CALN1: variants seen among roughly 807,000 people sequenced by gnomAD.
The protein encoded by CALN1 is calneuron 1.
CALN1 carries 17 observed loss-of-function variants against 30.6 expected under a neutral mutation model. The observed-to-expected ratio is 0.56, with a 90% CI of 0.38 to 0.83. CALN1 has a LOEUF of 0.83. Ranked by LOEUF, CALN1 falls within the 40% of genes least tolerant of loss-of-function variation. The probability of loss-of-function intolerance (pLI) is 0.00; values close to 1 mark genes in which losing one functional copy is unlikely to be tolerated. For synonymous variants in CALN1, 156 were observed against 131.4 expected, an observed-to-expected ratio of 1.19 and a Z score of -1.28; for missense variants, 291 against 354.9, an observed-to-expected ratio of 0.82 and a Z score of 1.45.
At chr7:72,420,716 C>T (rs1235782721) in intron 1 of CALN1, among the ~76,000 whole-genome samples, 2 of 151,348 alleles carry the variant, frequency 1.3e-5, no homozygotes, top group East Asian at 1.9e-4. Context: ...CTCCGCCTCC[C>T]GGGTTCACGC....
At chr7:72,062,397 A>G (rs1409621515) in intron 4 of CALN1, among the ~76,000 whole-genome samples, 1 of 151,770 alleles carries the variant, frequency 6.6e-6, no homozygotes, top group African/African-American at 2.4e-5. Flanking sequence ...CTGTAGTCCC[A>G]GCTACTTGGG....
chr7:71,968,645 G>C (rs1797643519), intron 5 of CALN1, among the ~76,000 whole-genome samples: 1 of 152,038 alleles, frequency 6.6e-6, no homozygotes, highest in South Asian at 2.1e-4. Context: ...GCCTCCCAAA[G>C]TGCTGGGATT....
the CALN1 span, among the ~76,000 whole-genome samples, chr7:72,494,606 T>C: frequency 2.0e-5 from 3 of 152,094 alleles, no homozygotes; most frequent in African/African-American, 7.2e-5. Context: ...GCCGGGCGCG[T>C]TGGCCCATGC....
intron 2 of CALN1, among the ~76,000 whole-genome samples, chr7:72,306,413 G>C (rs1323507085): frequency 2.0e-5 from 3 of 152,058 alleles, no homozygotes; most frequent in Non-Finnish European, 2.9e-5. Flanking sequence ...TCAGAAGAAG[G>C]TCTCCACAGT....
rs115549235 is a variant in CALN1, at chr7:72,167,371, G to A, written c.245-61077C>T. Among the ~76,000 whole-genome samples the A allele has an allele frequency of 9.7e-3, 1,479 of 152,226 alleles. 14 individuals are homozygous for A. Among genetic ancestry groups the A allele is most frequent in the African/African-American group, 0.035 (1,438 of 41,522 alleles). On this transcript the variant is annotated intron_variant, in intron 3 of 6. Coordinates refer to ENST00000395275, the MANE Select transcript of CALN1 (RefSeq NM_031468.4). ...TTTGTTTTTGTTTTTTTGAGACAGC[G>A]TCTTTCTCTGTTGCCCAGCTTGGAA...
intron 3 of CALN1, among the ~76,000 whole-genome samples, chr7:72,261,028 C>T (rs1796235865): frequency 1.3e-5 from 2 of 152,182 alleles, no homozygotes; most frequent in Admixed American, 1.3e-4. Context: ...TATCAGTAGG[C>T]TGGGCACGGT....
chr7:71,917,439 G>A (rs1289283629), intron 5 of CALN1, among the ~76,000 whole-genome samples: 2 of 152,162 alleles, frequency 1.3e-5, no homozygotes, highest in African/African-American at 2.4e-5. Context: ...ACATGCATAC[G>A]AAATGGTAAC....
At chr7:72,366,460 G>GC (rs1219701141) in intron 2 of CALN1, among the ~76,000 whole-genome samples, 1 of 152,178 alleles carries the variant, frequency 6.6e-6, no homozygotes, top group African/African-American at 2.4e-5. Context: ...ACAGGCATGA[G>GC]CTACAGCGCC....
chr7:72,495,276 G>A, the CALN1 span, among the ~76,000 whole-genome samples: 6 of 152,094 alleles, frequency 3.9e-5, no homozygotes, highest in Admixed American at 3.9e-4. Flanking sequence ...AATCCTCCTT[G>A]GGCAGGAGTC....
intron 5 of CALN1, among the ~76,000 whole-genome samples, chr7:71,922,470 TATGA>T (rs770001819): frequency 0.011 from 1,616 of 145,842 alleles, 7 homozygotes; most frequent in Non-Finnish European, 0.018. Flanking sequence ...TACATATAAA[TATGA>T]ATATATATTA....
chr7:71,891,258 T>C (rs1321084701), intron 5 of CALN1, among the ~76,000 whole-genome samples: 5 of 152,214 alleles, frequency 3.3e-5, no homozygotes, highest in Non-Finnish European at 7.3e-5. Context: ...TGTCCACAGC[T>C]CTTGCTTCCT....
At chr7:72,284,128 A>C (rs1300679772) in intron 2 of CALN1, among the ~76,000 whole-genome samples, 2 of 152,108 alleles carry the variant, frequency 1.3e-5, no homozygotes, top group African/African-American at 2.4e-5. Context: ...GTGTCTCTAC[A>C]GAAAAATTTT....
chr7:72,264,167 T>G (rs981119593), intron 3 of CALN1, among the ~76,000 whole-genome samples: 11 of 152,328 alleles, frequency 7.2e-5, no homozygotes, highest in African/African-American at 2.6e-4. Context: ...CAAGCCCATT[T>G]TAGCCAGCAT....
chr7:72,479,861 T>C, the CALN1 span, among the ~76,000 whole-genome samples: 3 of 152,308 alleles, frequency 2.0e-5, no homozygotes, highest in African/African-American at 7.2e-5. Flanking sequence ...TACAGCACAA[T>C]TTATTGACTA....
At chr7:71,900,163 T>TA (rs1378443873) in intron 5 of CALN1, among the ~76,000 whole-genome samples, 3 of 152,184 alleles carry the variant, frequency 2.0e-5, no homozygotes, top group Non-Finnish European at 2.9e-5. Context: ...TCCTGAATAT[T>TA]ACGGCTTTTA....
chr7:71,901,887 C>CAACAAA (rs1793869733), intron 5 of CALN1, among the ~76,000 whole-genome samples: 1 of 151,984 alleles, frequency 6.6e-6, no homozygotes, highest in African/African-American at 2.4e-5. Context: ...ACCTCAAATG[C>CAACAAA]AACAAAAACA....
rs550689121 is a variant in CALN1 at position 72,021,159 on chromosome 7, C to T, written c.501+2498G>A. ...GTATGGTGGCTTGCACCTGTGGTCC[C>T]AGCCACTTGGAAGGCTGAAGTGGGA... On this transcript the variant is annotated intron_variant, in intron 5 of 6. Coordinates refer to ENST00000395275, the MANE Select transcript of CALN1 (RefSeq NM_031468.4). 3.5e-4 allele frequency among the ~76,000 whole-genome samples: 53 copies of T among 152,182 alleles called. 1 individual carries two copies. In the South Asian group the frequency reaches 0.011, roughly 30 times the overall value.
At chr7:72,034,303 G>A (rs1584790865) in intron 4 of CALN1, among the ~76,000 whole-genome samples, 1 of 147,014 alleles carries the variant, frequency 6.8e-6, no homozygotes, top group African/African-American at 2.5e-5. Flanking sequence ...GCAGTGAGCC[G>A]AGATTGTGCC....
intron 5 of CALN1, among the ~76,000 whole-genome samples, chr7:71,983,884 T>C (rs1288441588): frequency 6.6e-6 from 1 of 151,934 alleles, no homozygotes; most frequent in Non-Finnish European, 1.5e-5. Flanking sequence ...CAAACCCAAG[T>C]AAAAACACAC....
Sources: gnomAD v4.1 joint callset for allele counts (sites outside exome capture counted in the v4.1 genomes callset) on GRCh38, gnomAD v4.1.1 for gene constraint, MANE v1.5 for transcripts, NCBI Gene and HGNC (gene_info 2026-07-23, HGNC 2026-07-21) for gene names.